VRK1: variants seen among roughly 807,000 people sequenced by gnomAD.
VRK1 encodes the protein VRK serine/threonine kinase 1, also known as serine/threonine-protein kinase VRK1.
VRK1 carries 33 observed loss-of-function variants against 57.1 expected under a neutral mutation model. The ratio of observed to expected loss-of-function variants is 0.58; its 90% CI spans 0.44 to 0.77. The LOEUF (loss-of-function observed/expected upper bound fraction) is 0.77, where lower values mean the gene tolerates loss of function less well. Ranked by LOEUF, VRK1 falls within the 30% of genes least tolerant of loss-of-function variation. VRK1 has a pLI of 0.00. For synonymous variants in VRK1, 137 were observed against 147.8 expected (o/e 0.93, Z 0.53); for missense variants, 413 against 477.3 (o/e 0.87, Z 1.25).
intron 5 of VRK1, among the ~76,000 whole-genome samples, chr14:96,848,796 TTAA>T (rs1220488881): frequency 6.6e-6 from 1 of 152,218 alleles, no homozygotes; most frequent in Non-Finnish European, 1.5e-5. Context: ...AGCTACCCAC[TTAA>T]TGATGTTTTA....
At chr14:96,869,040 G>C (rs1171438113) in intron 11 of VRK1, among the ~76,000 whole-genome samples, 1 of 152,018 alleles carries the variant, frequency 6.6e-6, no homozygotes, top group Admixed American at 6.6e-5. Flanking sequence ...TTATCTGCCC[G>C]CCTCAGCCTA....
chr14:96,844,344 C>T (rs920157473), intron 3 of VRK1, among the ~76,000 whole-genome samples: 6 of 152,144 alleles, frequency 3.9e-5, no homozygotes, highest in Admixed American at 2.0e-4. Context: ...GTTCCTCCTT[C>T]TTAAGGAGTT....
At chr14:96,872,764 G>A (rs1310311619) in intron 11 of VRK1, among the ~76,000 whole-genome samples, 1 of 152,050 alleles carries the variant, frequency 6.6e-6, no homozygotes, top group East Asian at 1.9e-4. Context: ...CATAAATATT[G>A]TGGCATAATA....
At chr14:96,827,394 T>G (rs1283400363) in intron 1 of VRK1, among the ~76,000 whole-genome samples, 1 of 152,042 alleles carries the variant, frequency 6.6e-6, no homozygotes, top group Non-Finnish European at 1.5e-5. Flanking sequence ...GTTTTTTTGT[T>G]CGTTTGTTTG....
At chr14:96,821,820 C>T (rs1886609781) in intron 1 of VRK1, among the ~76,000 whole-genome samples, 1 of 152,178 alleles carries the variant, frequency 6.6e-6, no homozygotes, top group Admixed American at 6.5e-5. Context: ...CCATTGCTCT[C>T]CCCTGGCTAA....
chr14:96,803,330 A>G (rs1028922354), intron 1 of VRK1, among the ~76,000 whole-genome samples: 1 of 151,832 alleles, frequency 6.6e-6, no homozygotes, highest in Admixed American at 6.6e-5. Context: ...GCTGCCACGC[A>G]CCGCAAATTT....
intron 11 of VRK1, among the ~76,000 whole-genome samples, chr14:96,863,387 C>T (rs374206111): frequency 1.3e-3 from 199 of 152,246 alleles, no homozygotes; most frequent in African/African-American, 4.5e-3. Context: ...TCTAGGGCTA[C>T]GGAGATCAAT....
intron 1 of VRK1, among the ~76,000 whole-genome samples, chr14:96,823,890 A>G (rs145106086): frequency 6.6e-6 from 1 of 152,324 alleles, no homozygotes; most frequent in Non-Finnish European, 1.5e-5. Context: ...ATAATATTCC[A>G]TTGTATATAC....
At chr14:96,799,076 A>G (rs1026053781) in intron 1 of VRK1, among the ~76,000 whole-genome samples, 9 of 152,188 alleles carry the variant, frequency 5.9e-5, no homozygotes, top group Non-Finnish European at 4.4e-5. Flanking sequence ...TTATAGTGCA[A>G]TGTCTTCTTG....
At chr14:96,847,409 GTC>G in intron 5 of VRK1, 65 bp downstream of exon 5, 1 of 1,351,020 alleles carries the variant, frequency 7.4e-7, no homozygotes, top group Non-Finnish European at 1.1e-6. Flanking sequence ...AGTTGGTTTA[GTC>G]AGTAATTATT....
intron 1 of VRK1, among the ~76,000 whole-genome samples, chr14:96,807,658 A>T (rs565920584): frequency 1.3e-5 from 2 of 152,186 alleles, no homozygotes; most frequent in Non-Finnish European, 2.9e-5. Context: ...CACATCATAC[A>T]TTGAACATAA....
rs1887488343 is a variant in VRK1, at chr14:96,842,145, C to T, written c.217-3950C>T. ...TCTTTAGAAGCTTATTTCATTTATT[C>T]TTTTGAATACTTTTTAGCCATTAAT... On this transcript the variant is annotated intron_variant, in intron 3 of 12. Transcript: ENST00000216639. Among the ~76,000 whole-genome samples the T allele has an allele frequency of 3.9e-5, 6 of 152,008 alleles. No individual in the cohort carries two copies. In the South Asian group the frequency reaches 1.2e-3, roughly 31 times the overall value.
At chr14:96,848,657 T>C (rs923950772) in intron 5 of VRK1, among the ~76,000 whole-genome samples, 1 of 152,216 alleles carries the variant, frequency 6.6e-6, no homozygotes, top group African/African-American at 2.4e-5. Flanking sequence ...TAAGGATTAG[T>C]TAAGTTAGTT....
chr14:96,836,165 C>T (rs1416505108), intron 2 of VRK1, among the ~76,000 whole-genome samples: 1 of 151,688 alleles, frequency 6.6e-6, no homozygotes, highest in Non-Finnish European at 1.5e-5. Flanking sequence ...GTTTTTGTAC[C>T]AAGCCTTTGA....
intron 3 of VRK1, among the ~76,000 whole-genome samples, chr14:96,844,899 TG>T (rs772319793): frequency 6.6e-6 from 1 of 152,194 alleles, no homozygotes; most frequent in Non-Finnish European, 1.5e-5. Context: ...ATAAGAAATC[TG>T]AGATAATTAG....
rs182245491 is a variant in VRK1 at position 96,874,741 on chromosome 14, C to T, written c.1069-1289C>T. On this transcript the variant is annotated intron_variant, in intron 11 of 12. Transcript: ENST00000216639. ...TGAAACAGTGGGATTAATTGTAATA[C>T]ATAGATAATAACAGTTCTGACCGTT... 1.5e-3 allele frequency among the ~76,000 whole-genome samples: 232 copies of T among 152,262 alleles called. 2 individuals carry two copies. Among genetic ancestry groups the T allele is most frequent in the African/African-American group, 5.4e-3 (223 of 41,548 alleles).
At chr14:96,847,955 C>T (rs940990108) in intron 5 of VRK1, among the ~76,000 whole-genome samples, 3 of 152,204 alleles carry the variant, frequency 2.0e-5, no homozygotes, top group Non-Finnish European at 4.4e-5. Flanking sequence ...ACTTCTAATA[C>T]TTTGGTTCAT....
intron 1 of VRK1, among the ~76,000 whole-genome samples, chr14:96,816,015 A>T (rs117948178): frequency 0.058 from 8,751 of 152,168 alleles, 348 homozygotes; most frequent in Non-Finnish European, 0.082. Flanking sequence ...GAAGTGGCTG[A>T]TTGTAGGCTT....
At chr14:96,809,548 AGCTT>A (rs58196233) in intron 1 of VRK1, among the ~76,000 whole-genome samples, 1 of 135,432 alleles carries the variant, frequency 7.4e-6, no homozygotes, top group Non-Finnish European at 1.5e-5. Flanking sequence ...ATATGCATCT[AGCTT>A]GCTTGCTTGC....
Sources: gnomAD v4.1 joint callset for allele counts (sites outside exome capture counted in the v4.1 genomes callset) on GRCh38, gnomAD v4.1.1 for gene constraint, MANE v1.5 for transcripts, NCBI Gene and HGNC (gene_info 2026-07-23, HGNC 2026-07-21) for gene names.